The following NOX4 variants were observed in gnomAD, a reference collection of about 807,000 sequenced individuals.
NOX4 encodes the protein NADPH oxidase 4.
A neutral mutation model predicts 87.6 loss-of-function variants in NOX4; 69 were observed. The ratio of observed to expected loss-of-function variants is 0.79; its 90% CI spans 0.65 to 0.96. The LOEUF (loss-of-function observed/expected upper bound fraction) is 0.96. Among genes scored for constraint, NOX4 ranks in the 40% least tolerant of loss-of-function variants. The pLI, the probability that NOX4 is intolerant of heterozygous loss-of-function variation, is 0.00. For synonymous variants in NOX4, 275 were observed against 238.2 expected (o/e 1.15, Z -1.42); for missense variants, 680 against 681.5 (o/e 1.00, Z 0.02).
At chr11:89,361,744 T>C (rs1237065248) in intron 12 of NOX4, among the ~76,000 whole-genome samples, 1 of 152,136 alleles carries the variant, frequency 6.6e-6, no homozygotes, top group East Asian at 1.9e-4. Context: ...AGCATCCTGC[T>C]CCATTTCATA....
Position 89,373,488 on chromosome 11 carries a change from G to A in NOX4, c.1079C>T (p.Pro360Leu). 1 of 1,574,682 alleles carries A rather than the reference G, an allele frequency of 6.4e-7. No homozygotes were observed. The highest frequency in any genetic ancestry group is 1.7e-4 in the Middle Eastern group (1 of 5,940). ...CCCAAATGTTGCTTTGGTTTCAGTT[G>A]GACACTAAAAAAAAATACTAGAATC... ...ENHPFTLTMC[P>L]TETKATFGVH... The change falls in exon 12 of 18, where the codon CCA (proline) becomes CTA (leucine). Residue 360 changes from proline to leucine, a missense_variant. Pro to Leu is a moderately conservative substitution (Grantham distance 98). Transcript: ENST00000263317.
At chr11:89,514,958 T>C in the NOX4 span, among the ~76,000 whole-genome samples, 1 of 152,014 alleles carries the variant, frequency 6.6e-6, no homozygotes, top group Non-Finnish European at 1.5e-5. Flanking sequence ...TTTTTATTGC[T>C]GAGTATTATT....
chr11:89,369,731 G>GGTTT (rs1565205830), intron 12 of NOX4, among the ~76,000 whole-genome samples: 1 of 110,454 alleles, frequency 9.1e-6, no homozygotes, highest in Non-Finnish European at 1.8e-5. Flanking sequence ...ATCCAAATAT[G>GGTTT]ATTTATTTAT....
Position 89,444,224 on chromosome 11 carries a change from C to T in NOX4, c.358G>A (p.Val120Met), listed in dbSNP as rs749288161. 33 of 1,613,344 alleles carry T rather than the reference C, an allele frequency of 2.0e-5. No homozygotes were observed. The highest frequency in any genetic ancestry group is 2.7e-5 in the Non-Finnish European group (32 of 1,179,482). ...VTICIFSGVH[V>M]AAHLVNALNF... Reference sequence around the variant, plus strand: ...AGGGCATTCACCAGATGGGCAGCCACATGCACGCCTACAGAATTACACCAG... The same window carrying T: ...AGGGCATTCACCAGATGGGCAGCCATATGCACGCCTACAGAATTACACCAG... Residue 120 changes from valine to methionine, a missense_variant, in exon 5 of 18, where the codon GTG becomes ATG. By Grantham distance (21) the Val-to-Met change is conservative (BLOSUM62 1). Transcript: ENST00000263317.
intron 4 of NOX4, among the ~76,000 whole-genome samples, chr11:89,448,203 C>T (rs1054717729): frequency 1.1e-4 from 16 of 152,036 alleles, no homozygotes; most frequent in Non-Finnish European, 4.4e-5. Flanking sequence ...TGCTGTCAAT[C>T]CATTTTACAG....
chr11:89,481,864 A>G (rs1253858018), intron 2 of NOX4, among the ~76,000 whole-genome samples: 1 of 152,074 alleles, frequency 6.6e-6, no homozygotes, highest in African/African-American at 2.4e-5. Context: ...AGAAGAAAGT[A>G]TATACAACTA....
intron 2 of NOX4, among the ~76,000 whole-genome samples, chr11:89,459,926 G>A (rs1945374972): frequency 1.3e-5 from 2 of 152,202 alleles, no homozygotes; most frequent in Non-Finnish European, 2.9e-5. Context: ...CAAGGCTACA[G>A]TAACCAAAAC....
the NOX4 span, among the ~76,000 whole-genome samples, chr11:89,514,735 T>A: frequency 6.6e-6 from 1 of 151,960 alleles, no homozygotes; most frequent in Non-Finnish European, 1.5e-5. Flanking sequence ...GATGATCATG[T>A]TTTTTGTTCT....
intron 2 of NOX4, among the ~76,000 whole-genome samples, chr11:89,455,363 A>C (rs1388721250): frequency 1.3e-5 from 2 of 151,482 alleles, no homozygotes; most frequent in African/African-American, 2.4e-5. Flanking sequence ...CTTCCTCTCA[A>C]CTCTAGGATC....
At chr11:89,475,613 G>A (rs913926797) in intron 2 of NOX4, among the ~76,000 whole-genome samples, 8 of 151,990 alleles carry the variant, frequency 5.3e-5, no homozygotes, top group Admixed American at 3.3e-4. Context: ...ATATATTAAC[G>A]TAAAGCGCAG....
chr11:89,513,974 C>T, the NOX4 span, among the ~76,000 whole-genome samples: 13 of 151,982 alleles, frequency 8.6e-5, no homozygotes, highest in Non-Finnish European at 1.5e-4. Context: ...TCACCAGATG[C>T]GGCCACTTGA....
rs543489412 is a variant in NOX4 at position 89,350,277 on chromosome 11, C to T, written c.1217+4685G>A. On this transcript the variant is annotated intron_variant, in intron 13 of 17. Coordinates refer to ENST00000263317, the MANE Select transcript of NOX4 (RefSeq NM_016931.5). ...CATTGCAGGAGTTATTTTTTAAATGCCTTTCCTTTAAACATATACATACAT... is the reference window on the plus strand; with the variant it reads ...CATTGCAGGAGTTATTTTTTAAATGTCTTTCCTTTAAACATATACATACAT... Among the ~76,000 whole-genome samples the T allele has an allele frequency of 6.6e-5, 10 of 152,252 alleles. No individual in the cohort carries two copies. In the South Asian group the frequency reaches 1.2e-3, roughly 19 times the overall value.
chr11:89,487,180 C>A (rs763843325), intron 2 of NOX4, among the ~76,000 whole-genome samples: 1 of 152,144 alleles, frequency 6.6e-6, no homozygotes, highest in Non-Finnish European at 1.5e-5. Context: ...CTAGCTCTGA[C>A]ACTGACCATT....
chr11:89,361,643 TGAAAA>T (rs1386860905), intron 12 of NOX4, among the ~76,000 whole-genome samples: 1 of 152,052 alleles, frequency 6.6e-6, no homozygotes, highest in African/African-American at 2.4e-5. Context: ...GCTTAAGGAA[TGAAAA>T]GAAATCTTAA....
chr11:89,445,467 C>T (rs1380928675), intron 4 of NOX4, among the ~76,000 whole-genome samples: 1 of 151,918 alleles, frequency 6.6e-6, no homozygotes, highest in Non-Finnish European at 1.5e-5. Context: ...AGAGTCAGGA[C>T]TTACTATGAA....
At chr11:89,561,607 T>C in the NOX4 span, among the ~76,000 whole-genome samples, 1 of 152,348 alleles carries the variant, frequency 6.6e-6, no homozygotes, top group Non-Finnish European at 1.5e-5. Flanking sequence ...CATGTGGAAT[T>C]CTTTTCACCA....
chr11:89,465,900 C>G (rs1434537194), intron 2 of NOX4, among the ~76,000 whole-genome samples: 2 of 151,942 alleles, frequency 1.3e-5, no homozygotes, highest in Admixed American at 1.3e-4. Flanking sequence ...GGATAGACTG[C>G]AAAAATTTTC....
intron 11 of NOX4, among the ~76,000 whole-genome samples, chr11:89,380,458 G>A (rs1373580216): frequency 4.6e-5 from 7 of 152,104 alleles, no homozygotes; most frequent in Admixed American, 4.6e-4. Flanking sequence ...AAGAGAATGA[G>A]AGGAAAGGAA....
Position 89,342,108 on chromosome 11 carries a change from C to T in NOX4, c.1303G>A (p.Val435Ile). ...TTGAGTATTGATGCAAATGGAGTTA[C>T]TCCAATGCCTCCAGCCACGCAGAGG... is the stretch of plus-strand genomic sequence containing the variant. ...VSLCVAGGIGVTPFASILNTL... is the reference protein window; with the variant it reads ...VSLCVAGGIGITPFASILNTL... Residue 435 changes from valine to isoleucine, a missense_variant, in exon 14 of 18, where the codon GTA (valine) becomes ATA (isoleucine). By Grantham distance (29) the Val-to-Ile change is conservative. Coordinates refer to ENST00000263317, the MANE Select transcript of NOX4 (RefSeq NM_016931.5). 1 of 1,613,222 alleles carries T rather than the reference C, an allele frequency of 6.2e-7. No individual in the cohort carries two copies. Among genetic ancestry groups the T allele is most frequent in the Non-Finnish European group, 8.5e-7 (1 of 1,179,308 alleles).
Sources: gnomAD v4.1 joint callset for allele counts (sites outside exome capture counted in the v4.1 genomes callset) on GRCh38, gnomAD v4.1.1 for gene constraint, MANE v1.5 for transcripts, NCBI Gene and HGNC (gene_info 2026-07-23, HGNC 2026-07-21) for gene names.